The following SLC10A7 variants were observed in gnomAD, a reference collection of about 807,000 sequenced individuals.
The protein encoded by SLC10A7 is sodium/bile acid cotransporter 7.
A neutral mutation model predicts 43.2 loss-of-function variants in SLC10A7; 29 were observed. The observed-to-expected ratio is 0.67, with a 90% CI of 0.50 to 0.92. The LOEUF (loss-of-function observed/expected upper bound fraction) is 0.92. Among genes scored for constraint, SLC10A7 ranks in the 40% least tolerant of loss-of-function variants. The pLI, the probability that SLC10A7 is intolerant of heterozygous loss-of-function variation, is 0.00. For synonymous variants in SLC10A7, 152 were observed against 144.8 expected, an observed-to-expected ratio of 1.05 and a Z score of -0.35; for missense variants, 295 against 403.2, an observed-to-expected ratio of 0.73 and a Z score of 2.30.
intron 4 of SLC10A7, among the ~76,000 whole-genome samples, chr4:146,483,412 A>C (rs1444412361): frequency 6.6e-6 from 1 of 151,580 alleles, no homozygotes; most frequent in Non-Finnish European, 1.5e-5. Flanking sequence ...GTAGTTTATA[A>C]GATGTTTTAT....
intron 5 of SLC10A7, among the ~76,000 whole-genome samples, chr4:146,421,301 A>C (rs1359469012): frequency 6.6e-6 from 1 of 152,204 alleles, no homozygotes; most frequent in Non-Finnish European, 1.5e-5. Context: ...ATAAATGATT[A>C]AGAAAGTTTT....
At chr4:146,330,861 T>C (rs1430450942) in intron 5 of SLC10A7, among the ~76,000 whole-genome samples, 2 of 152,066 alleles carry the variant, frequency 1.3e-5, no homozygotes, top group Non-Finnish European at 2.9e-5. Flanking sequence ...TGAAGCTTTC[T>C]CATGAAGAGA....
intron 4 of SLC10A7, 147 bp downstream of exon 4, chr4:146,503,702 G>A (rs956861676): frequency 1.5e-6 from 1 of 654,760 alleles, no homozygotes; most frequent in Non-Finnish European, 2.7e-6. Flanking sequence ...CATCATGCTA[G>A]TATGTGAGTA....
At chr4:146,314,119 C>G (rs976477134) in intron 6 of SLC10A7, among the ~76,000 whole-genome samples, 1 of 152,092 alleles carries the variant, frequency 6.6e-6, no homozygotes, top group African/African-American at 2.4e-5. Flanking sequence ...CAGTCTCAGT[C>G]GAGTGACAAA....
At chr4:146,508,263 A>C (rs1737111453) in intron 3 of SLC10A7, among the ~76,000 whole-genome samples, 1 of 152,118 alleles carries the variant, frequency 6.6e-6, no homozygotes, top group African/African-American at 2.4e-5. Flanking sequence ...TAGGAGGCAT[A>C]CATATATATG....
At chr4:146,364,560 ATG>A in intron 5 of SLC10A7, among the ~76,000 whole-genome samples, 1 of 152,246 alleles carries the variant, frequency 6.6e-6, no homozygotes, top group Non-Finnish European at 1.5e-5. Flanking sequence ...TTTCTGACTC[ATG>A]TTGGGGCTAT....
intron 4 of SLC10A7, among the ~76,000 whole-genome samples, chr4:146,496,918 A>G (rs941887254): frequency 1.3e-5 from 2 of 152,210 alleles, no homozygotes; most frequent in African/African-American, 4.8e-5. Flanking sequence ...AGAAAACAGT[A>G]TCTTAAAGTT....
chr4:146,335,706 T>C (rs1578915082), intron 5 of SLC10A7, among the ~76,000 whole-genome samples: 1 of 152,152 alleles, frequency 6.6e-6, no homozygotes, highest in African/African-American at 2.4e-5. Flanking sequence ...TACAAGGAAA[T>C]GATGATAAGA....
chr4:146,440,486 C>G (rs1730514250), intron 5 of SLC10A7, among the ~76,000 whole-genome samples: 2 of 152,024 alleles, frequency 1.3e-5, no homozygotes, highest in Admixed American at 1.3e-4. Flanking sequence ...AGTCTTGGCC[C>G]ATGATGAGAC....
chr4:146,256,930 G>C (rs1335254694), intron 11 of SLC10A7: 2 of 1,535,062 alleles, frequency 1.3e-6, no homozygotes, highest in Non-Finnish European at 1.7e-6. Flanking sequence ...CTGGTTTGGA[G>C]TAGTTTCTAC....
intron 3 of SLC10A7, among the ~76,000 whole-genome samples, chr4:146,509,339 G>T (rs1737235268): frequency 6.6e-6 from 1 of 152,134 alleles, no homozygotes; most frequent in Non-Finnish European, 1.5e-5. Flanking sequence ...AACATCATTG[G>T]TAAGTAAGCA....
At chr4:146,410,205 A>T (rs948238244) in intron 5 of SLC10A7, among the ~76,000 whole-genome samples, 1 of 152,178 alleles carries the variant, frequency 6.6e-6, no homozygotes, top group African/African-American at 2.4e-5. Flanking sequence ...TAGTATTAAT[A>T]GTCAGGAAAT....
chr4:146,342,324 A>G (rs1307738704), intron 5 of SLC10A7, among the ~76,000 whole-genome samples: 2 of 151,828 alleles, frequency 1.3e-5, no homozygotes, highest in African/African-American at 4.8e-5. Context: ...TCTGAAATTT[A>G]TAAGAGCTGT....
chr4:146,353,461 A>T (rs1430529650), intron 5 of SLC10A7, among the ~76,000 whole-genome samples: 2 of 138,712 alleles, frequency 1.4e-5, no homozygotes, highest in African/African-American at 5.6e-5. Flanking sequence ...CAGAGGTACA[A>T]GGAGGAACTG....
At chr4:146,416,305 A>C (rs1171182792) in intron 5 of SLC10A7, among the ~76,000 whole-genome samples, 1 of 152,226 alleles carries the variant, frequency 6.6e-6, no homozygotes, top group Non-Finnish European at 1.5e-5. Flanking sequence ...AAATAGGGTC[A>C]CCAACAAAAG....
At chr4:146,387,261 T>C (rs1738075711) in intron 5 of SLC10A7, among the ~76,000 whole-genome samples, 1 of 152,146 alleles carries the variant, frequency 6.6e-6, no homozygotes, top group South Asian at 2.1e-4. Context: ...ATCGAAAAGA[T>C]AATACACCAC....
intron 4 of SLC10A7, among the ~76,000 whole-genome samples, chr4:146,501,182 C>T (rs765375089): frequency 5.3e-5 from 8 of 152,178 alleles, no homozygotes; most frequent in Admixed American, 2.0e-4. Flanking sequence ...CCAATTTTGG[C>T]TTTAAATACA....
intron 5 of SLC10A7, chr4:146,442,240 T>TAC (rs896594591): frequency 1.1e-6 from 1 of 926,924 alleles, no homozygotes; most frequent in African/African-American, 1.8e-5. Context: ...TGAATCTTTA[T>TAC]ATATATATAT....
At chr4:146,481,313 A>G (rs995834994) in intron 4 of SLC10A7, among the ~76,000 whole-genome samples, 7 of 152,168 alleles carry the variant, frequency 4.6e-5, no homozygotes, top group African/African-American at 1.7e-4. Context: ...AAGCTGCTGA[A>G]GCACCCCATC....
Sources: allele counts gnomAD v4.1 joint callset (sites outside exome capture counted in the v4.1 genomes callset), GRCh38; gene constraint gnomAD v4.1.1; transcripts MANE v1.5; gene names NCBI Gene and HGNC (gene_info 2026-07-23, HGNC 2026-07-21).